Variants in LCMT1 observed in about 807,000 individuals in gnomAD.
LCMT1 encodes the protein leucine carboxyl methyltransferase 1.
In LCMT1, 32 loss-of-function variants were observed where a neutral mutation model predicts 47.7. The ratio of observed to expected loss-of-function variants is 0.67; its 90% confidence interval spans 0.51 to 0.90. LCMT1 has a LOEUF of 0.90. LCMT1 is among the 40% of genes least tolerant of loss of function. The probability of loss-of-function intolerance (pLI) is 0.00; values close to 1 mark genes in which losing one functional copy is unlikely to be tolerated. For missense variants in LCMT1, 375 were observed against 415.2 expected, an observed-to-expected ratio of 0.90 and a Z score of 0.84; for synonymous variants, 152 against 149.7, an observed-to-expected ratio of 1.02 and a Z score of -0.11.
intron 9 of LCMT1, among the ~76,000 whole-genome samples, chr16:25,171,269 C>T (rs1961759234): frequency 6.6e-6 from 1 of 151,808 alleles, no homozygotes; most frequent in South Asian, 2.1e-4. Flanking sequence ...CAAAAATTAG[C>T]CGGGTGTGGT....
chr16:25,133,326 C>T (rs1391828625), intron 3 of LCMT1, among the ~76,000 whole-genome samples: 2 of 140,760 alleles, frequency 1.4e-5, no homozygotes, highest in Admixed American at 1.5e-4. Context: ...GAATGCAGGT[C>T]TAATTACATT....
chr16:25,157,049 C>T (rs1207797060), intron 5 of LCMT1, among the ~76,000 whole-genome samples: 1 of 150,974 alleles, frequency 6.6e-6, no homozygotes, highest in Non-Finnish European at 1.5e-5. Flanking sequence ...ATAGAAGATA[C>T]CATGAATGGG....
chr16:25,126,981 A>G (rs1422893436), intron 1 of LCMT1, among the ~76,000 whole-genome samples: 1 of 152,148 alleles, frequency 6.6e-6, no homozygotes, highest in Non-Finnish European at 1.5e-5. Context: ...ATGACACTAT[A>G]TGATTTCTTT....
At chr16:25,153,479 AT>A (rs1961140634) in intron 5 of LCMT1, among the ~76,000 whole-genome samples, 1 of 84,778 alleles carries the variant, frequency 1.2e-5, no homozygotes, top group Non-Finnish European at 2.4e-5. Context: ...CACACTCCCA[AT>A]CCCAATCCCA....
chr16:25,169,339 AGCCTC>A, intron 8 of LCMT1, 126 bp downstream of exon 8: 3 of 644,554 alleles, frequency 4.7e-6, no homozygotes, highest in Non-Finnish European at 5.5e-6. Context: ...CAGGCTGCTG[AGCCTC>A]CATGTGGGCC....
At chr16:25,169,434 C>T (rs1961688315) in intron 8 of LCMT1, 4 of 446,364 alleles carry the variant, frequency 9.0e-6, no homozygotes, top group Non-Finnish European at 1.2e-5. Flanking sequence ...CTTTGTATTA[C>T]GCAAATTTTC....
At position 25,169,138 on chromosome 16, in the gene LCMT1, G is replaced by T; in HGVS notation, c.717G>T (p.Gln239His). ...EQVNMGDRFG[Q>H]IMIENLRRRQ... Reference sequence around the variant, plus strand: ...TGAACATGGGTGATCGGTTTGGGCAGATCATGATTGAAAACCTGCGGAGAC... The same window carrying T: ...TGAACATGGGTGATCGGTTTGGGCATATCATGATTGAAAACCTGCGGAGAC... Residue 239 changes from glutamine to histidine, a missense_variant, in exon 8 of 11, where the codon CAG (glutamine) becomes CAT (histidine). Transcript: ENST00000399069. 6.2e-7 allele frequency: 1 copy of T among 1,613,474 alleles called. No individual in the cohort carries two copies. The highest frequency in any genetic ancestry group is 1.1e-5 in the South Asian group (1 of 91,052).
chr16:25,125,543 A>G (rs1052781166), intron 1 of LCMT1, among the ~76,000 whole-genome samples: 2 of 152,114 alleles, frequency 1.3e-5, no homozygotes, highest in Admixed American at 6.5e-5. Flanking sequence ...ATTAAATAAT[A>G]GTTTTGTTGG....
chr16:25,177,791 T>C (rs1044144884), intron 10 of LCMT1, among the ~76,000 whole-genome samples: 1 of 152,208 alleles, frequency 6.6e-6, no homozygotes, highest in Non-Finnish European at 1.5e-5. Flanking sequence ...TGTTATAATG[T>C]TTTCTTAATC....
At chr16:25,113,639 A>G (rs1228893067) in intron 1 of LCMT1, among the ~76,000 whole-genome samples, 5 of 152,214 alleles carry the variant, frequency 3.3e-5, no homozygotes, top group Non-Finnish European at 1.5e-5. Context: ...AAATTTGTGA[A>G]TTTGAGTGGA....
chr16:25,158,530 G>A (rs1961329672), intron 5 of LCMT1, among the ~76,000 whole-genome samples: 1 of 152,226 alleles, frequency 6.6e-6, no homozygotes. Context: ...GAAAAGAAGG[G>A]ATTGTAGATC....
intron 1 of LCMT1, 81 bp downstream of exon 1, chr16:25,112,077 G>C (rs979903993): frequency 2.2e-6 from 2 of 923,698 alleles, no homozygotes; most frequent in Non-Finnish European, 3.5e-6. Context: ...TGAAGAATAC[G>C]CTCAAGGCTG....
chr16:25,123,015 G>C (rs1292058184), intron 1 of LCMT1, among the ~76,000 whole-genome samples: 3 of 151,956 alleles, frequency 2.0e-5, no homozygotes, highest in African/African-American at 7.3e-5. Flanking sequence ...TGGGAGTTTT[G>C]GGCAATGCTT....
intron 6 of LCMT1, among the ~76,000 whole-genome samples, chr16:25,161,984 G>A (rs1399000942): frequency 6.6e-6 from 1 of 152,138 alleles, no homozygotes; most frequent in African/African-American, 2.4e-5. Flanking sequence ...AATATCAAGT[G>A]TTGACAAGGA....
At chr16:25,158,091 C>A (rs977361374) in intron 5 of LCMT1, among the ~76,000 whole-genome samples, 1 of 152,238 alleles carries the variant, frequency 6.6e-6, no homozygotes, top group Non-Finnish European at 1.5e-5. Context: ...TACAGCTTCA[C>A]CTTGGAATCA....
At chr16:25,124,989 T>C (rs1000855841) in intron 1 of LCMT1, among the ~76,000 whole-genome samples, 6 of 152,352 alleles carry the variant, frequency 3.9e-5, no homozygotes, top group Admixed American at 1.3e-4. Context: ...TCATGGAAAC[T>C]GAAAGCATTT....
At chr16:25,123,280 A>G (rs1440257510) in intron 1 of LCMT1, among the ~76,000 whole-genome samples, 1 of 137,224 alleles carries the variant, frequency 7.3e-6, no homozygotes, top group Non-Finnish European at 1.5e-5. Context: ...GCTAGAGTGC[A>G]GTGGTGCAAT....
rs1156886083 is a variant in LCMT1 at position 25,135,297 on chromosome 16, A to ATATATATG, written c.327+2781_327+2782insGTATATAT. Among the ~76,000 whole-genome samples, 458 of 149,996 alleles carry ATATATATG rather than the reference A, an allele frequency of 3.1e-3. 4 individuals carry two copies. Among genetic ancestry groups the ATATATATG allele is most frequent in the African/African-American group, 0.011 (440 of 40,456 alleles). ...AGTTTCTTTTAAAATATATATCTAT[A>ATATATATG]TATATATATATAACATTTGTTTGCT... On this transcript the variant is annotated intron_variant, in intron 3 of 10. Coordinates refer to ENST00000399069, the MANE Select transcript of LCMT1 (RefSeq NM_016309.3).
intron 1 of LCMT1, among the ~76,000 whole-genome samples, chr16:25,115,771 G>A (rs1959765272): frequency 6.6e-6 from 1 of 152,094 alleles, no homozygotes; most frequent in Non-Finnish European, 1.5e-5. Flanking sequence ...TCTCCCTCCC[G>A]GGTTCAAGCA....
Sources: gnomAD v4.1 joint callset for allele counts (sites outside exome capture counted in the v4.1 genomes callset) on GRCh38, gnomAD v4.1.1 for gene constraint, MANE v1.5 for transcripts, NCBI Gene and HGNC (gene_info 2026-07-23, HGNC 2026-07-21) for gene names.